LEPR: variants seen among roughly 807,000 people sequenced by gnomAD.
LEPR encodes the protein OB receptor.
In LEPR, 56 loss-of-function variants were observed where a neutral mutation model predicts 114.7. The ratio of observed to expected loss-of-function variants is 0.49; its 90% CI spans 0.39 to 0.61. The LOEUF is 0.61. LEPR is among the 20% of genes least tolerant of loss of function. The pLI is 0.00. For synonymous variants in LEPR, 443 were observed against 461.4 expected, an observed-to-expected ratio of 0.96 and a Z score of 0.51; for missense variants, 1,202 against 1,352.9, an observed-to-expected ratio of 0.89 and a Z score of 1.75.
chr1:65,568,122 A>G (rs1394750661), intron 3 of LEPR, among the ~76,000 whole-genome samples: 1 of 152,020 alleles, frequency 6.6e-6, no homozygotes, highest in African/African-American at 2.4e-5. Context: ...TACTGTTTCC[A>G]TAGTTGTGCG....
intron 15 of LEPR, among the ~76,000 whole-genome samples, chr1:65,616,504 T>C (rs1168567059): frequency 6.6e-6 from 1 of 152,170 alleles, no homozygotes; most frequent in African/African-American, 2.4e-5. Flanking sequence ...TTTGGACCAA[T>C]GGAGATCTTT....
intron 1 of LEPR, chr1:65,421,390 G>C: frequency 6.5e-7 from 1 of 1,536,054 alleles, no homozygotes; most frequent in Non-Finnish European, 8.7e-7. Context: ...AAAACACCGC[G>C]TCCCTTATCT....
intron 4 of LEPR, among the ~76,000 whole-genome samples, chr1:65,571,577 T>C (rs1371084772): frequency 6.6e-6 from 1 of 150,944 alleles, no homozygotes; most frequent in East Asian, 1.9e-4. Flanking sequence ...AGCGTGATGA[T>C]TGGGTTTTCA....
At chr1:65,537,203 C>T (rs976688573) in intron 2 of LEPR, among the ~76,000 whole-genome samples, 5 of 152,150 alleles carry the variant, frequency 3.3e-5, no homozygotes, top group Admixed American at 2.0e-4. Flanking sequence ...TCGTTGGCCC[C>T]TAGGACTTTG....
At chr1:65,543,232 CAT>C (rs1042585329) in intron 2 of LEPR, among the ~76,000 whole-genome samples, 3 of 151,798 alleles carry the variant, frequency 2.0e-5, no homozygotes, top group Non-Finnish European at 4.4e-5. Flanking sequence ...GCTTTTTTTT[CAT>C]ATGTTTGTTG....
At chr1:65,454,709 C>T (rs1211856537) in intron 2 of LEPR, among the ~76,000 whole-genome samples, 6 of 152,118 alleles carry the variant, frequency 3.9e-5, no homozygotes, top group African/African-American at 9.7e-5. Flanking sequence ...TCTGGCTGCC[C>T]TTAACATTTT....
chr1:65,469,608 G>A (rs969150531), intron 2 of LEPR, among the ~76,000 whole-genome samples: 2 of 152,194 alleles, frequency 1.3e-5, no homozygotes, highest in Non-Finnish European at 2.9e-5. Flanking sequence ...AAAGAGCAAG[G>A]TAGAGTCAAT....
At position 65,634,894 on chromosome 1, in the gene LEPR, A is replaced by G. The variant is rs150395658; in HGVS notation, c.2674-1297A>G. The G allele has an allele frequency of 3.5e-4, 292 of 832,364 alleles. 2 individuals carry two copies. The East Asian group carries it at 0.027, about 76-fold the overall frequency. The allele number at this position is 832,364 out of a possible 1,614,324, so 51.6% of individuals were successfully genotyped here. ...TTTCTTTCAGAAAAAAAAAACAGGCATAGGAACAGTTTTCTCTTCATATAT... is the reference window on the plus strand; with the variant it reads ...TTTCTTTCAGAAAAAAAAAACAGGCGTAGGAACAGTTTTCTCTTCATATAT... On this transcript the variant is annotated intron_variant, in intron 19 of 19. Transcript: ENST00000349533.
intron 2 of LEPR, among the ~76,000 whole-genome samples, chr1:65,457,557 G>T (rs1646893436): frequency 6.6e-6 from 1 of 152,104 alleles, no homozygotes; most frequent in Non-Finnish European, 1.5e-5. Context: ...TGGGGTACAG[G>T]TGCAATTTTG....
At chr1:65,438,828 T>C (rs774967955) in intron 2 of LEPR, among the ~76,000 whole-genome samples, 9 of 152,230 alleles carry the variant, frequency 5.9e-5, no homozygotes, top group Non-Finnish European at 1.2e-4. Flanking sequence ...ATCAGTCAGA[T>C]TACAAACCCC....
chr1:65,453,171 T>G (rs2100337103), intron 2 of LEPR, among the ~76,000 whole-genome samples: 1 of 152,332 alleles, frequency 6.6e-6, no homozygotes, highest in African/African-American at 2.4e-5. Context: ...CTTCTCTCTT[T>G]TTTTCTTTAT....
intron 2 of LEPR, among the ~76,000 whole-genome samples, chr1:65,519,689 GAGA>G (rs1008827246): frequency 9.9e-5 from 15 of 152,074 alleles, no homozygotes; most frequent in Admixed American, 6.5e-4. Flanking sequence ...AGAAGGAAGT[GAGA>G]AGGTCTTGAT....
intron 2 of LEPR, among the ~76,000 whole-genome samples, chr1:65,539,785 G>A (rs1483503923): frequency 1.3e-5 from 2 of 152,154 alleles, no homozygotes; most frequent in Non-Finnish European, 2.9e-5. Flanking sequence ...AGAAGTGTGG[G>A]ACATGAAAGG....
At chr1:65,518,873 T>TTTTTTTCTTTC (rs1649435874) in intron 2 of LEPR, among the ~76,000 whole-genome samples, 1 of 117,216 alleles carries the variant, frequency 8.5e-6, no homozygotes, top group East Asian at 2.3e-4. Context: ...CTTTCTTTCT[T>TTTTTTTCTTTC]TTTCTTTCTT....
chr1:65,633,903 G>T lies in LEPR; in HGVS notation c.2674-2288G>T. 1 of 985,384 alleles carries T rather than the reference G, an allele frequency of 1.0e-6. No homozygotes were observed. The highest frequency in any genetic ancestry group is 1.7e-5 in the African/African-American group (1 of 57,336). The allele number at this position is 985,384 out of a possible 1,614,324, so 61.0% of individuals were successfully genotyped here. ...TATCAGGATGACCCTACATACCCAG[G>T]TCAGATTGACGGGACCAGAAGGGAA... is the stretch of plus-strand genomic sequence containing the variant. On this transcript the variant is annotated intron_variant, in intron 19 of 19. Transcript: ENST00000349533. The surrounding 1 kb of genome is among the most constrained non-coding windows in gnomAD (Gnocchi z 4.1).
chr1:65,609,061 A>G (rs900025856), intron 12 of LEPR, among the ~76,000 whole-genome samples, 160 bp downstream of exon 12: 6 of 152,216 alleles, frequency 3.9e-5, no homozygotes, highest in Admixed American at 2.0e-4. Context: ...TAACTTTTTT[A>G]AAGAACAAAG....
intron 3 of LEPR, among the ~76,000 whole-genome samples, chr1:65,566,543 T>G (rs1653773672): frequency 6.6e-6 from 1 of 152,376 alleles, no homozygotes; most frequent in African/African-American, 2.4e-5. Context: ...CTCACGTGTT[T>G]CTTACCACAT....
At chr1:65,598,405 A>G (rs752217054) in intron 7 of LEPR, among the ~76,000 whole-genome samples, 16 of 152,068 alleles carry the variant, frequency 1.1e-4, no homozygotes, top group Non-Finnish European at 1.9e-4. Context: ...TCATATATTC[A>G]TCATGATTCA....
intron 7 of LEPR, among the ~76,000 whole-genome samples, 179 bp from the exon 8 acceptor site, chr1:65,598,481 T>C (rs907274786): frequency 4.6e-5 from 7 of 152,160 alleles, no homozygotes; most frequent in African/African-American, 1.7e-4. Flanking sequence ...TAAAATTTTA[T>C]TGACTAATGT....
Sources: allele counts gnomAD v4.1 joint callset (sites outside exome capture counted in the v4.1 genomes callset), GRCh38; gene constraint gnomAD v4.1.1; non-coding constraint Gnocchi (gnomAD v3.1); transcripts MANE v1.5; gene names NCBI Gene and HGNC (gene_info 2026-07-23, HGNC 2026-07-21).